The following MEGF9 variants were observed in gnomAD, a reference collection of about 807,000 sequenced individuals.
MEGF9 encodes multiple EGF like domains 9.
Under a neutral mutation model 46.8 loss-of-function variants are expected in MEGF9, and 6 were observed. That is an observed-to-expected ratio of 0.13 (90% CI 0.07 to 0.25). The LOEUF is 0.25. Among genes scored for constraint, MEGF9 ranks in the 10% least tolerant of loss-of-function variants. The pLI is 1.00. For synonymous variants in MEGF9, 302 were observed against 330.7 expected, an observed-to-expected ratio of 0.91 and a Z score of 0.94; for missense variants, 683 against 792.4, an observed-to-expected ratio of 0.86 and a Z score of 1.66.
chr9:120,652,478 T>TAAAAAAAAAAAAAAA (rs57268783), intron 2 of MEGF9, among the ~76,000 whole-genome samples: 1 of 85,598 alleles, frequency 1.2e-5, no homozygotes, highest in Non-Finnish European at 2.2e-5. Context: ...GATCTTGTCT[T>TAAAAAAAAAAAAAAA]AAAAAAAAAA....
At chr9:120,638,350 T>C (rs914801258) in intron 2 of MEGF9, among the ~76,000 whole-genome samples, 3 of 152,230 alleles carry the variant, frequency 2.0e-5, no homozygotes, top group Non-Finnish European at 2.9e-5. Context: ...AATTAACTTG[T>C]AGTGCCTATA....
At chr9:120,640,332 T>C (rs2043596695) in intron 2 of MEGF9, among the ~76,000 whole-genome samples, 1 of 152,186 alleles carries the variant, frequency 6.6e-6, no homozygotes, top group African/African-American at 2.4e-5. Flanking sequence ...CTATTACTTC[T>C]TTTTGTTCCT....
chr9:120,671,193 T>C (rs2043747318), intron 1 of MEGF9, among the ~76,000 whole-genome samples: 2 of 152,216 alleles, frequency 1.3e-5, no homozygotes, highest in African/African-American at 4.8e-5. Flanking sequence ...CTGAGGATTT[T>C]ACTATGATCA....
chr9:120,674,075 C>T (rs1383013726), intron 1 of MEGF9, among the ~76,000 whole-genome samples: 1 of 151,818 alleles, frequency 6.6e-6, no homozygotes, highest in Non-Finnish European at 1.5e-5. Flanking sequence ...ATATGATTGA[C>T]CTTGCATTAG....
chr9:120,653,924 A>G lies in MEGF9; in HGVS notation c.803+5450T>C, dbSNP rs114140147. Among the ~76,000 whole-genome samples the G allele has an allele frequency of 3.5e-3, 528 of 152,326 alleles. 6 individuals are homozygous for G. Among genetic ancestry groups the G allele is most frequent in the African/African-American group, 0.012 (505 of 41,576 alleles). On this transcript the variant is annotated intron_variant, in intron 2 of 5. Transcript: ENST00000373930. ...AATTATGGCAAGTGTAGTGCCAGAG[A>G]TAACAGTGAGCCAAGTGTAAGAAAT...
intron 3 of MEGF9, among the ~76,000 whole-genome samples, chr9:120,620,599 T>C (rs2043494821): frequency 6.6e-6 from 1 of 152,202 alleles, no homozygotes; most frequent in Non-Finnish European, 1.5e-5. Flanking sequence ...CAGGAAATGC[T>C]TTCTAATGAA....
At chr9:120,611,395 A>G (rs1289624054) in intron 4 of MEGF9, among the ~76,000 whole-genome samples, 1 of 152,172 alleles carries the variant, frequency 6.6e-6, no homozygotes, top group African/African-American at 2.4e-5. Flanking sequence ...ATAACACAAT[A>G]ATATATTATT....
intron 4 of MEGF9, among the ~76,000 whole-genome samples, chr9:120,609,870 T>C (rs1307706688): frequency 6.6e-6 from 1 of 152,172 alleles, no homozygotes; most frequent in Non-Finnish European, 1.5e-5. Flanking sequence ...TGATGCTCTT[T>C]AAGAAAAACG....
chr9:120,693,290 A>AG (rs1414258779), intron 1 of MEGF9, among the ~76,000 whole-genome samples: 2 of 150,416 alleles, frequency 1.3e-5, no homozygotes, highest in African/African-American at 2.5e-5. Context: ...AAAAAAAAAA[A>AG]AAAAGAAGAA....
intron 2 of MEGF9, among the ~76,000 whole-genome samples, chr9:120,654,783 T>C (rs2043669100): frequency 6.6e-6 from 1 of 152,124 alleles, no homozygotes; most frequent in African/African-American, 2.4e-5. Context: ...GAAGACCTTC[T>C]AGTGGGATGA....
intron 2 of MEGF9, among the ~76,000 whole-genome samples, chr9:120,647,917 CTCTCTT>C (rs139823860): frequency 0.025 from 3,833 of 152,182 alleles, 151 homozygotes; most frequent in African/African-American, 0.083. Flanking sequence ...TGGGAGTCAT[CTCTCTT>C]TCTCTTTCTC....
intron 2 of MEGF9, among the ~76,000 whole-genome samples, chr9:120,633,784 G>A (rs569935147): frequency 6.6e-6 from 1 of 152,136 alleles, no homozygotes; most frequent in South Asian, 2.1e-4. Flanking sequence ...AGCATGGTAT[G>A]GGATGTTGCG....
intron 2 of MEGF9, among the ~76,000 whole-genome samples, chr9:120,641,293 G>A (rs182862575): frequency 1.4e-4 from 22 of 152,156 alleles, no homozygotes; most frequent in Non-Finnish European, 1.5e-4. Flanking sequence ...GTAAGACAGT[G>A]ATCCCTCAGG....
chr9:120,657,389 A>G (rs2043681888), intron 2 of MEGF9, among the ~76,000 whole-genome samples: 1 of 152,256 alleles, frequency 6.6e-6, no homozygotes, highest in Admixed American at 6.5e-5. Flanking sequence ...AGAATTATGA[A>G]TACAGTAAGA....
intron 2 of MEGF9, among the ~76,000 whole-genome samples, chr9:120,624,652 A>G (rs1048898951): frequency 2.6e-5 from 4 of 152,088 alleles, no homozygotes; most frequent in Admixed American, 6.5e-5. Flanking sequence ...GGGTCACTTG[A>G]GGTCACAAGT....
intron 2 of MEGF9, among the ~76,000 whole-genome samples, chr9:120,629,546 G>A (rs1268317704): frequency 2.0e-5 from 3 of 152,192 alleles, no homozygotes; most frequent in Non-Finnish European, 4.4e-5. Flanking sequence ...GCTGAGGCAT[G>A]AGACTTGCTT....
intron 2 of MEGF9, among the ~76,000 whole-genome samples, chr9:120,626,652 C>G (rs1234599927): frequency 5.3e-5 from 8 of 152,110 alleles, no homozygotes; most frequent in Admixed American, 5.2e-4. Context: ...CATTATTTTA[C>G]AGTCACATTG....
chr9:120,685,813 A>G (rs1345161066), intron 1 of MEGF9, among the ~76,000 whole-genome samples: 1 of 152,266 alleles, frequency 6.6e-6, no homozygotes, highest in African/African-American at 2.4e-5. Flanking sequence ...AAGAGGTGGA[A>G]GCAACCCATA....
chr9:120,613,305 G>A (rs962550332), intron 3 of MEGF9, among the ~76,000 whole-genome samples: 12 of 151,920 alleles, frequency 7.9e-5, no homozygotes, highest in African/African-American at 2.9e-4. Flanking sequence ...ATTAAAATGT[G>A]GATTGCGAGG....
Sources: allele counts gnomAD v4.1 joint callset (sites outside exome capture counted in the v4.1 genomes callset), GRCh38; gene constraint gnomAD v4.1.1; transcripts MANE v1.5; gene names NCBI Gene and HGNC (gene_info 2026-07-23, HGNC 2026-07-21).